The following PABPC4L variants were observed in gnomAD, a reference collection of about 807,000 sequenced individuals.
PABPC4L encodes polyadenylate-binding protein 4-like.
For synonymous variants in PABPC4L, 169 were observed against 164.1 expected (o/e 1.03, Z -0.23); for missense variants, 452 against 451.4 (o/e 1.00, Z -0.01).
At chr4:134,105,611 A>G in the PABPC4L span, among the ~76,000 whole-genome samples, 954 of 151,794 alleles carry the variant, frequency 6.3e-3, 7 homozygotes, top group African/African-American at 0.022. Flanking sequence ...TTCTTTACAT[A>G]CAGACATACA....
At chr4:134,164,034 C>A in the PABPC4L span, among the ~76,000 whole-genome samples, 1,918 of 151,560 alleles carry the variant, frequency 0.013, 41 homozygotes, top group African/African-American at 0.041. Flanking sequence ...GAGGCCGAGG[C>A]GGGCGGATCA....
chr4:134,040,132 C>T, the PABPC4L span, among the ~76,000 whole-genome samples: 2 of 151,206 alleles, frequency 1.3e-5, no homozygotes, highest in Non-Finnish European at 2.9e-5. Flanking sequence ...ATGAAAATGG[C>T]CATACTGTTC....
chr4:134,025,884 A>T, the PABPC4L span, among the ~76,000 whole-genome samples: 1,091 of 152,224 alleles, frequency 7.2e-3, 8 homozygotes, highest in African/African-American at 0.025. Context: ...TTTTACCAGC[A>T]TTTGAAGGAA....
chr4:134,127,716 G>T, the PABPC4L span, among the ~76,000 whole-genome samples: 4 of 152,046 alleles, frequency 2.6e-5, no homozygotes, highest in African/African-American at 9.7e-5. Flanking sequence ...CCAGAAAAAC[G>T]ATTCTGGTAA....
the PABPC4L span, among the ~76,000 whole-genome samples, chr4:134,181,013 C>T: frequency 2.0e-5 from 3 of 151,724 alleles, no homozygotes; most frequent in African/African-American, 7.3e-5. Context: ...GGTGAGAATC[C>T]TCCCTAACTC....
At chr4:134,172,402 C>A in the PABPC4L span, among the ~76,000 whole-genome samples, 2 of 152,012 alleles carry the variant, frequency 1.3e-5, no homozygotes, top group African/African-American at 4.8e-5. Context: ...AGTTGACCAA[C>A]TAGCAATGGG....
chr4:134,028,133 C>T, the PABPC4L span, among the ~76,000 whole-genome samples: 1 of 152,076 alleles, frequency 6.6e-6, no homozygotes, highest in African/African-American at 2.4e-5. Flanking sequence ...AGCCCAGAAA[C>T]TCTGAATCAG....
the PABPC4L span, among the ~76,000 whole-genome samples, chr4:134,123,900 G>T: frequency 4.5e-3 from 691 of 151,954 alleles, 9 homozygotes; most frequent in African/African-American, 0.016. Context: ...TGAAAAAAAA[G>T]TTGGGTATAC....
At chr4:133,976,298 T>A in the PABPC4L span, among the ~76,000 whole-genome samples, 1 of 152,220 alleles carries the variant, frequency 6.6e-6, no homozygotes, top group Non-Finnish European at 1.5e-5. Flanking sequence ...ATTCTTTTTA[T>A]GGCTGCATGG....
At chr4:134,028,499 T>C in the PABPC4L span, among the ~76,000 whole-genome samples, 2 of 151,962 alleles carry the variant, frequency 1.3e-5, no homozygotes, top group South Asian at 4.1e-4. Flanking sequence ...TTGCTAAGCT[T>C]CACTTTTTCA....
At chr4:133,992,628 T>A in the PABPC4L span, among the ~76,000 whole-genome samples, 1 of 152,058 alleles carries the variant, frequency 6.6e-6, no homozygotes, top group Non-Finnish European at 1.5e-5. Context: ...TCCGCCCAGG[T>A]AACAGAGTGG....
At chr4:133,999,656 C>A in the PABPC4L span, among the ~76,000 whole-genome samples, 1 of 151,904 alleles carries the variant, frequency 6.6e-6, no homozygotes, top group Non-Finnish European at 1.5e-5. Flanking sequence ...TTCCTATGAG[C>A]TTATTTTTAG....
chr4:134,069,369 T>C, the PABPC4L span, among the ~76,000 whole-genome samples: 11 of 152,226 alleles, frequency 7.2e-5, no homozygotes, highest in Non-Finnish European at 1.2e-4. Flanking sequence ...TGTTGATCTC[T>C]TTAGCAAGGC....
the PABPC4L span, among the ~76,000 whole-genome samples, chr4:134,025,547 A>G: frequency 2.0e-5 from 3 of 152,134 alleles, no homozygotes; most frequent in African/African-American, 7.2e-5. Context: ...ATGACTGTAA[A>G]TAAGAGCATG....
chr4:134,155,561 GAAAT>G, the PABPC4L span, among the ~76,000 whole-genome samples: 3 of 151,866 alleles, frequency 2.0e-5, no homozygotes, highest in East Asian at 1.9e-4. Flanking sequence ...ATTTGTTAAA[GAAAT>G]AAATAATTTT....
chr4:134,009,435 G>A, the PABPC4L span, among the ~76,000 whole-genome samples: 1 of 151,994 alleles, frequency 6.6e-6, no homozygotes, highest in East Asian at 1.9e-4. Context: ...TGGTCTATCT[G>A]CTCTCATTAT....
chr4:134,136,433 T>A, the PABPC4L span, among the ~76,000 whole-genome samples: 192 of 152,278 alleles, frequency 1.3e-3, no homozygotes, highest in African/African-American at 4.5e-3. Context: ...TTGAAAGAAC[T>A]ATGATAATTT....
the PABPC4L span, among the ~76,000 whole-genome samples, chr4:134,014,598 G>A: frequency 1.3e-5 from 2 of 151,952 alleles, no homozygotes; most frequent in Admixed American, 6.6e-5. Context: ...CTGGCCCAAG[G>A]CTCTCTGACT....
At chr4:134,180,099 C>A in the PABPC4L span, among the ~76,000 whole-genome samples, 7 of 146,144 alleles carry the variant, frequency 4.8e-5, no homozygotes, top group Non-Finnish European at 8.9e-5. Context: ...ACACTATTAT[C>A]ATTGCCACAT....
Sources: allele counts gnomAD v4.1 joint callset (sites outside exome capture counted in the v4.1 genomes callset), GRCh38; gene constraint gnomAD v4.1.1; transcripts MANE v1.5; gene names NCBI Gene and HGNC (gene_info 2026-07-23, HGNC 2026-07-21).